TANC1: variants seen among roughly 807,000 people sequenced by gnomAD.
TANC1 encodes tetratricopeptide repeat, ankyrin repeat and coiled-coil containing 1.
Under a neutral mutation model 149.7 loss-of-function variants are expected in TANC1, and 77 were observed. The observed-to-expected ratio is 0.51, with a 90% confidence interval of 0.43 to 0.62. TANC1 has a LOEUF of 0.62. Ranked by LOEUF, TANC1 falls within the 20% of genes least tolerant of loss-of-function variation. The pLI, the probability that TANC1 is intolerant of heterozygous loss-of-function variation, is 0.00. For missense variants in TANC1, 1,985 were observed against 2,321.8 expected (o/e 0.85, Z 2.98); for synonymous variants, 854 against 925.0 (o/e 0.92, Z 1.39).
chr2:159,096,620 G>A (rs1355937166), intron 3 of TANC1, among the ~76,000 whole-genome samples: 1 of 152,212 alleles, frequency 6.6e-6, no homozygotes, highest in Non-Finnish European at 1.5e-5. Context: ...CTATTGGCTA[G>A]GGTTGGACCA....
intron 2 of TANC1, chr2:159,056,905 C>T (rs1429796767): frequency 8.0e-6 from 2 of 249,548 alleles, no homozygotes; most frequent in Admixed American, 3.4e-5. Flanking sequence ...AGGACATATC[C>T]GTGAACTACA....
At chr2:159,178,442 T>C in intron 13 of TANC1, 114 bp from the exon 14 acceptor site, 1 of 1,241,900 alleles carries the variant, frequency 8.1e-7, no homozygotes, top group Non-Finnish European at 1.1e-6. Context: ...TGAGTCCCTG[T>C]AATCCATGAA....
At chr2:159,177,789 A>T (rs1268534130) in intron 13 of TANC1, among the ~76,000 whole-genome samples, 1 of 152,238 alleles carries the variant, frequency 6.6e-6, no homozygotes, top group Non-Finnish European at 1.5e-5. Flanking sequence ...TTTAGGTGTC[A>T]GATGTGCTTA....
intron 19 of TANC1, among the ~76,000 whole-genome samples, chr2:159,214,838 A>G (rs1302534335): frequency 1.3e-5 from 2 of 152,168 alleles, no homozygotes; most frequent in African/African-American, 2.4e-5. Context: ...ATCCAACAGG[A>G]CAGAGCCCTT....
chr2:159,048,214 A>G (rs1477344457), intron 2 of TANC1, among the ~76,000 whole-genome samples: 1 of 152,218 alleles, frequency 6.6e-6, no homozygotes, highest in Non-Finnish European at 1.5e-5. Flanking sequence ...CTATAATGCC[A>G]CAGCACTGTT....
intron 5 of TANC1, among the ~76,000 whole-genome samples, chr2:159,140,565 G>A (rs999219197): frequency 6.6e-6 from 1 of 152,088 alleles, no homozygotes; most frequent in Admixed American, 6.5e-5. Flanking sequence ...CTGTCTTTAT[G>A]GAGCCTTAGA....
At chr2:159,000,731 G>A (rs1299254907) in intron 1 of TANC1, among the ~76,000 whole-genome samples, 1 of 152,006 alleles carries the variant, frequency 6.6e-6, no homozygotes, top group Non-Finnish European at 1.5e-5. Flanking sequence ...GGGTGTGCGA[G>A]CCGGAAGGAT....
chr2:159,181,386 C>T lies in TANC1; in HGVS notation c.2510+2223C>T, dbSNP rs545729252. Among the ~76,000 whole-genome samples the T allele has an allele frequency of 5.1e-4, 77 of 152,070 alleles. No individual in the cohort carries two copies. The South Asian group carries it at 0.015, about 30-fold the overall frequency. On this transcript the variant is annotated intron_variant, in intron 14 of 26. Coordinates refer to ENST00000263635, the MANE Select transcript of TANC1 (RefSeq NM_033394.3). ...TCTCAGCTCACTGCAGGCTCCGCCC[C>T]CTGGGGTTCACACCATTCTCCTGCC...
intron 1 of TANC1, among the ~76,000 whole-genome samples, chr2:158,982,495 C>T (rs2034492876): frequency 6.6e-6 from 1 of 152,260 alleles, no homozygotes; most frequent in Admixed American, 6.5e-5. Context: ...AGGCCAAAGG[C>T]GAAGCCCTGT....
At chr2:159,089,586 T>C (rs1305745400) in intron 3 of TANC1, among the ~76,000 whole-genome samples, 1 of 152,194 alleles carries the variant, frequency 6.6e-6, no homozygotes, top group Admixed American at 6.5e-5. Context: ...CCTGGCAGAC[T>C]GGATGTTTTC....
chr2:158,989,344 G>A lies in TANC1; in HGVS notation c.-125-11736G>A, dbSNP rs1430523774. On this transcript the variant is annotated intron_variant, in intron 1 of 26. Coordinates refer to ENST00000263635, the MANE Select transcript of TANC1 (RefSeq NM_033394.3). ...ATTCAGGCCAGGCACAGTGGCTCACGCCTGCAGTCCCAGCACTGTGGGAGG... is the reference window on the plus strand; with the variant it reads ...ATTCAGGCCAGGCACAGTGGCTCACACCTGCAGTCCCAGCACTGTGGGAGG... Among the ~76,000 whole-genome samples, 4 of 152,060 alleles carry A rather than the reference G, an allele frequency of 2.6e-5. No individual in the cohort carries two copies. The East Asian group carries it at 7.7e-4, about 29-fold the overall frequency.
intron 12 of TANC1, among the ~76,000 whole-genome samples, chr2:159,175,487 G>A (rs544797206): frequency 5.9e-5 from 9 of 152,338 alleles, no homozygotes; most frequent in African/African-American, 1.9e-4. Flanking sequence ...CACCACAGAA[G>A]ACTGTTGCGT....
intron 25 of TANC1, chr2:159,228,267 C>T (rs1325632310): frequency 2.3e-5 from 8 of 348,200 alleles, no homozygotes; most frequent in African/African-American, 6.3e-5. Flanking sequence ...CTGGCACTGC[C>T]GTCCCCGGAT....
chr2:159,174,746 T>C (rs1208287101), intron 11 of TANC1, among the ~76,000 whole-genome samples: 1 of 152,236 alleles, frequency 6.6e-6, no homozygotes, highest in Non-Finnish European at 1.5e-5. Context: ...TCAAGATGGC[T>C]TTGTGGATGC....
intron 1 of TANC1, among the ~76,000 whole-genome samples, chr2:158,972,273 A>G (rs1322751776): frequency 1.3e-5 from 2 of 152,246 alleles, no homozygotes; most frequent in African/African-American, 4.8e-5. Context: ...AAAAATGAAC[A>G]TATCATTTGC....
intron 8 of TANC1, 95 bp downstream of exon 8, chr2:159,163,641 C>G (rs973126276): frequency 1.8e-5 from 26 of 1,430,334 alleles, no homozygotes; most frequent in Non-Finnish European, 2.2e-5. Context: ...CAGATACAAG[C>G]CAGCTTCGTG....
chr2:159,163,519 A>G lies in TANC1; in HGVS notation c.919A>G (p.Ile307Val). ...TTATTCTCAGGGCTCCAGCTCACTA[A>G]TAATGCCACGGCCCAACTCAGTTGC... ...VPYSQGSSSL[I>V]MPRPNSVAAT... The change falls in exon 8 of 27, where the codon ATA becomes GTA. Residue 307 changes from isoleucine (I) to valine (V), a missense_variant. Physicochemically the swap from Ile to Val is conservative, Grantham distance 29. Coordinates refer to ENST00000263635, the MANE Select transcript of TANC1 (RefSeq NM_033394.3). 5 of 1,612,838 alleles carry G rather than the reference A, an allele frequency of 3.1e-6. No homozygotes were observed. Among genetic ancestry groups the G allele is most frequent in the Non-Finnish European group, 4.2e-6 (5 of 1,179,868 alleles).
chr2:159,146,190 G>A (rs746471462), intron 5 of TANC1, among the ~76,000 whole-genome samples: 6 of 152,158 alleles, frequency 3.9e-5, no homozygotes, highest in Non-Finnish European at 7.3e-5. Flanking sequence ...TCTCCCAGGC[G>A]GTCCTTCTGC....
intron 3 of TANC1, among the ~76,000 whole-genome samples, chr2:159,084,249 C>CAA (rs1281211316): frequency 3.9e-5 from 5 of 126,692 alleles, no homozygotes; most frequent in Admixed American, 8.2e-5. Flanking sequence ...GACTCCATCT[C>CAA]AAAAAAAAAA....
Sources: gnomAD v4.1 joint callset for allele counts (sites outside exome capture counted in the v4.1 genomes callset) on GRCh38, gnomAD v4.1.1 for gene constraint, MANE v1.5 for transcripts, NCBI Gene and HGNC (gene_info 2026-07-23, HGNC 2026-07-21) for gene names.